Variants in TIAM2 observed in about 807,000 individuals in gnomAD.
The protein encoded by TIAM2 is rho guanine nucleotide exchange factor TIAM2.
In TIAM2, 80 loss-of-function variants were observed where a neutral mutation model predicts 152.9. The ratio of observed to expected loss-of-function variants is 0.52; its 90% CI spans 0.44 to 0.63. TIAM2 has a LOEUF of 0.63. Among genes scored for constraint, TIAM2 ranks in the 30% least tolerant of loss-of-function variants. The probability of loss-of-function intolerance (pLI) is 0.00; values close to 1 mark genes in which losing one functional copy is unlikely to be tolerated. For missense variants in TIAM2, 1,965 were observed against 2,120.1 expected, an observed-to-expected ratio of 0.93 and a Z score of 1.44; for synonymous variants, 804 against 838.0, an observed-to-expected ratio of 0.96 and a Z score of 0.70.
intron 2 of TIAM2, among the ~76,000 whole-genome samples, chr6:155,127,170 G>A (rs1475022269): frequency 6.6e-6 from 1 of 152,218 alleles, no homozygotes; most frequent in Non-Finnish European, 1.5e-5. Context: ...GCAGCCCTGT[G>A]AGACTGAGAG....
chr6:155,178,973 C>T (rs1021726570), intron 10 of TIAM2, 66 bp from the exon 11 acceptor site: 5 of 1,258,038 alleles, frequency 4.0e-6, no homozygotes, highest in South Asian at 3.9e-5. Context: ...TTTTAATAAG[C>T]CTGCTAACCA....
At chr6:155,089,944 G>A (rs755623933) in intron 1 of TIAM2, among the ~76,000 whole-genome samples, 1 of 152,008 alleles carries the variant, frequency 6.6e-6, no homozygotes, top group South Asian at 2.1e-4. Flanking sequence ...CTGTCCGTCC[G>A]TCAGTCTGTC....
chr6:155,097,609 G>A (rs572784715), intron 2 of TIAM2, among the ~76,000 whole-genome samples: 4 of 152,308 alleles, frequency 2.6e-5, no homozygotes, highest in African/African-American at 9.6e-5. Flanking sequence ...CCAAAGTGCT[G>A]GGATTACAGG....
intron 25 of TIAM2, 52 bp downstream of exon 25, chr6:155,254,112 T>C (rs375530292): frequency 6.4e-7 from 1 of 1,557,674 alleles, no homozygotes. Flanking sequence ...TAGAATTATG[T>C]CTCTTAAGGG....
chr6:155,200,944 A>G (rs185750390), intron 14 of TIAM2, among the ~76,000 whole-genome samples: 125 of 152,152 alleles, frequency 8.2e-4, no homozygotes, highest in African/African-American at 2.8e-3. Flanking sequence ...AATAAAAATA[A>G]AAAAAGAAGT....
At chr6:155,029,623 A>G (rs1321313841) in intron 1 of TIAM2, among the ~76,000 whole-genome samples, 1 of 84,704 alleles carries the variant, frequency 1.2e-5, no homozygotes, top group Non-Finnish European at 2.4e-5. Context: ...GTATATATGT[A>G]TATAACTATA....
chr6:155,141,868 T>A (rs929955439), intron 5 of TIAM2, among the ~76,000 whole-genome samples: 1 of 152,208 alleles, frequency 6.6e-6, no homozygotes, highest in Non-Finnish European at 1.5e-5. Context: ...CTAATTGCCC[T>A]CTTTCCCCTG....
At chr6:155,026,664 G>C (rs1369823974) in intron 1 of TIAM2, among the ~76,000 whole-genome samples, 1 of 152,230 alleles carries the variant, frequency 6.6e-6, no homozygotes, top group Non-Finnish European at 1.5e-5. Context: ...CTTGGCCCTG[G>C]TGCCAGCCTC....
intron 2 of TIAM2, among the ~76,000 whole-genome samples, chr6:155,106,753 C>T (rs1359129804): frequency 1.3e-5 from 2 of 152,172 alleles, no homozygotes; most frequent in Non-Finnish European, 2.9e-5. Flanking sequence ...GAGCCGTGTT[C>T]CTATGGAACT....
intron 1 of TIAM2, among the ~76,000 whole-genome samples, chr6:155,066,435 G>A (rs1338532870): frequency 6.6e-6 from 1 of 152,234 alleles, no homozygotes; most frequent in Non-Finnish European, 1.5e-5. Context: ...TGCCTGTACC[G>A]TGTCACCGCT....
At chr6:155,192,238 GAT>G (rs1781224021) in intron 14 of TIAM2, among the ~76,000 whole-genome samples, 1 of 152,050 alleles carries the variant, frequency 6.6e-6, no homozygotes, top group South Asian at 2.1e-4. Flanking sequence ...TTAATCTTCT[GAT>G]TTTCAGAACT....
At chr6:155,026,706 A>G (rs1776610059) in intron 1 of TIAM2, among the ~76,000 whole-genome samples, 1 of 152,236 alleles carries the variant, frequency 6.6e-6, no homozygotes, top group South Asian at 2.1e-4. Context: ...CACCTCTCCC[A>G]TGAGACCTTG....
chr6:155,045,375 C>T (rs1777152727), intron 1 of TIAM2, among the ~76,000 whole-genome samples: 1 of 152,074 alleles, frequency 6.6e-6, no homozygotes, highest in Non-Finnish European at 1.5e-5. Context: ...AGCCCTTTTT[C>T]TATGCTGTTT....
intron 1 of TIAM2, among the ~76,000 whole-genome samples, chr6:155,001,124 A>G (rs904437850): frequency 6.6e-6 from 1 of 152,164 alleles, no homozygotes; most frequent in Non-Finnish European, 1.5e-5. Context: ...GGGGACAGAC[A>G]TGGAAGAAGA....
chr6:155,113,109 C>T (rs1312718391), intron 2 of TIAM2, among the ~76,000 whole-genome samples: 1 of 152,156 alleles, frequency 6.6e-6, no homozygotes, highest in African/African-American at 2.4e-5. Flanking sequence ...AGTCCTTAAA[C>T]TGTCCCTCAA....
intron 15 of TIAM2, among the ~76,000 whole-genome samples, chr6:155,221,140 C>CAA (rs796835457): frequency 1.4e-5 from 1 of 72,266 alleles, no homozygotes. Flanking sequence ...AAAAAAAAAA[C>CAA]AAAAAAAAAC....
Position 155,251,958 on chromosome 6 carries a change from C to A in TIAM2, c.4074C>A (p.Ala1358=). ...LELTVFVFKR[A]VILVYKENCK... ...TCCTTTCTTTAGTTTTTAAGAGAGC[C>A]GTCATACTGGTTTATAAAGAAAACT... Residue 1358 remains alanine, a synonymous_variant, in exon 23 of 27, where the codon GCC becomes GCA. Transcript: ENST00000682666. The A allele has an allele frequency of 6.2e-7, 1 of 1,603,170 alleles. No individual in the cohort carries two copies.
intron 1 of TIAM2, among the ~76,000 whole-genome samples, chr6:155,036,548 CA>C (rs1469955815): frequency 1.3e-4 from 19 of 150,110 alleles, no homozygotes; most frequent in African/African-American, 4.7e-4. Context: ...GTGTTGACCT[CA>C]AAGGTCCTTG....
rs565258568 is a variant in TIAM2, at chr6:155,219,242, T to A, written c.3168+7935T>A. Among the ~76,000 whole-genome samples, 8 of 152,148 alleles carry A rather than the reference T, an allele frequency of 5.3e-5. No individual in the cohort carries two copies. The South Asian group carries it at 1.5e-3, about 28-fold the overall frequency. On this transcript the variant is annotated intron_variant, in intron 15 of 26. Coordinates refer to ENST00000682666, the MANE Select transcript of TIAM2 (RefSeq NM_012454.4). ...CGTGTAGCTGCTTTTTTTTAATGTA[T>A]AGTGTTGTAAATGGATGAGCTTTTC...
Sources: gnomAD v4.1 joint callset for allele counts (sites outside exome capture counted in the v4.1 genomes callset) on GRCh38, gnomAD v4.1.1 for gene constraint, MANE v1.5 for transcripts, NCBI Gene and HGNC (gene_info 2026-07-23, HGNC 2026-07-21) for gene names.